SAMD12: variants seen among roughly 807,000 people sequenced by gnomAD.
The protein encoded by SAMD12 is sterile alpha motif domain containing 12.
Under a neutral mutation model 15.0 loss-of-function variants are expected in SAMD12, and 9 were observed. The observed-to-expected ratio is 0.60, with a 90% CI of 0.36 to 1.05. The LOEUF is 1.05. Among genes scored for constraint, SAMD12 ranks in the 50% least tolerant of loss-of-function variants. The probability of loss-of-function intolerance (pLI) is 0.01; values close to 1 mark genes in which losing one functional copy is unlikely to be tolerated. For synonymous variants in SAMD12, 86 were observed against 90.1 expected (o/e 0.96, Z 0.25); for missense variants, 230 against 234.2 (o/e 0.98, Z 0.12).
chr8:118,311,074 CT>C (rs1815606694), intron 4 of SAMD12, among the ~76,000 whole-genome samples: 1 of 152,180 alleles, frequency 6.6e-6, no homozygotes, highest in South Asian at 2.1e-4. Flanking sequence ...GGTAATTAGT[CT>C]CATTTTACAA....
intron 2 of SAMD12, among the ~76,000 whole-genome samples, chr8:118,551,412 G>T (rs1382773506): frequency 6.6e-6 from 1 of 151,556 alleles, no homozygotes; most frequent in Admixed American, 6.6e-5. Flanking sequence ...TGAACAACCT[G>T]CTCCTGAATG....
At chr8:118,220,963 G>T (rs972256702) in intron 4 of SAMD12, among the ~76,000 whole-genome samples, 2 of 151,928 alleles carry the variant, frequency 1.3e-5, no homozygotes, top group Non-Finnish European at 2.9e-5. Flanking sequence ...ATGAGAAGAC[G>T]TGTGGTGGAA....
At position 118,379,463 on chromosome 8, in the gene SAMD12, A is replaced by G. The variant is rs1819550587; in HGVS notation, c.560T>C (p.Leu187Ser). 1 of 1,613,668 alleles carries G rather than the reference A, an allele frequency of 6.2e-7. No homozygotes were observed. Among genetic ancestry groups the G allele is most frequent in the East Asian group, 2.2e-5 (1 of 44,868 alleles). ...GQTGVRENLL[L>S]FLHRISIIEN... The stretch of plus-strand genomic sequence containing the variant: ...TATGATGGAAATTCTGTGAAGAAAC[A>G]ATAACAAATTCTCCCTGACTCCTGT... Residue 187 changes from leucine (L) to serine (S), a missense_variant, in exon 4 of 4, where the codon TTG becomes TCG. By Grantham distance (145) the Leu-to-Ser change is moderately radical. Coordinates refer to ENST00000314727, the MANE Select transcript of SAMD12 (RefSeq NM_207506.3).
chr8:118,521,706 T>C (rs1193287718), intron 2 of SAMD12, among the ~76,000 whole-genome samples: 1 of 152,162 alleles, frequency 6.6e-6, no homozygotes, highest in South Asian at 2.1e-4. Context: ...GTCCTTATTT[T>C]CCTTAATGGT....
At chr8:118,226,545 T>G (rs977113041) in intron 4 of SAMD12, among the ~76,000 whole-genome samples, 2 of 152,172 alleles carry the variant, frequency 1.3e-5, no homozygotes, top group Non-Finnish European at 2.9e-5. Flanking sequence ...TGACCACCCA[T>G]CCATCCATCC....
At chr8:118,211,248 CCTAAA>C (rs1563696912) in intron 4 of SAMD12, among the ~76,000 whole-genome samples, 2 of 152,122 alleles carry the variant, frequency 1.3e-5, no homozygotes, top group South Asian at 4.1e-4. Flanking sequence ...AGCATAGTCT[CCTAAA>C]CTAAACAAAC....
At chr8:118,170,194 A>C in the SAMD12 span, among the ~76,000 whole-genome samples, 3 of 152,162 alleles carry the variant, frequency 2.0e-5, no homozygotes, top group Non-Finnish European at 2.9e-5. Flanking sequence ...TGGGGAAACG[A>C]TTGTACACTA....
At chr8:118,307,162 A>G (rs1201720150) in intron 4 of SAMD12, among the ~76,000 whole-genome samples, 1 of 152,198 alleles carries the variant, frequency 6.6e-6, no homozygotes, top group Non-Finnish European at 1.5e-5. Context: ...GCCCCTCTTC[A>G]TGGAGCTGAT....
chr8:118,413,087 C>T (rs546981795), intron 3 of SAMD12, among the ~76,000 whole-genome samples: 22 of 152,282 alleles, frequency 1.4e-4, no homozygotes, highest in Non-Finnish European at 2.9e-4. Context: ...TTGTTCCCAA[C>T]ATACTGGTAG....
intron 1 of SAMD12, among the ~76,000 whole-genome samples, chr8:118,600,635 G>A (rs1219578117): frequency 1.3e-5 from 2 of 152,086 alleles, no homozygotes; most frequent in Non-Finnish European, 2.9e-5. Context: ...TCAGCCTTGA[G>A]ACCACCATGT....
chr8:118,306,489 C>T (rs1815355812), intron 4 of SAMD12, among the ~76,000 whole-genome samples: 1 of 152,144 alleles, frequency 6.6e-6, no homozygotes, highest in Admixed American at 6.5e-5. Flanking sequence ...CCCTCTTCTT[C>T]CTGTGGCTTG....
At chr8:118,487,124 A>G (rs995556280) in intron 2 of SAMD12, among the ~76,000 whole-genome samples, 5 of 152,170 alleles carry the variant, frequency 3.3e-5, no homozygotes, top group African/African-American at 1.2e-4. Context: ...AATCCCCAGC[A>G]CAAGTGTTCA....
At chr8:118,206,843 C>T (rs1819875960) in intron 4 of SAMD12, among the ~76,000 whole-genome samples, 1 of 152,186 alleles carries the variant, frequency 6.6e-6, no homozygotes, top group African/African-American at 2.4e-5. Flanking sequence ...GTCTGAGGAC[C>T]TCTCTGTAAG....
At chr8:118,224,148 C>T (rs1467783812) in intron 4 of SAMD12, among the ~76,000 whole-genome samples, 1 of 152,154 alleles carries the variant, frequency 6.6e-6, no homozygotes, top group African/African-American at 2.4e-5. Context: ...GCTGTTAAAA[C>T]ACACTGAACG....
At chr8:118,554,118 A>T (rs1195652155) in intron 2 of SAMD12, among the ~76,000 whole-genome samples, 2 of 152,000 alleles carry the variant, frequency 1.3e-5, no homozygotes, top group East Asian at 3.9e-4. Flanking sequence ...TGTGGAAGTC[A>T]GTGTGGTGAT....
chr8:118,293,066 CAAACAAAA>C (rs906900569), intron 4 of SAMD12, among the ~76,000 whole-genome samples: 1 of 151,500 alleles, frequency 6.6e-6, no homozygotes, highest in Non-Finnish European at 1.5e-5. Context: ...AAAAAACAAA[CAAACAAAA>C]AAAATCAATA....
At chr8:118,590,392 G>T (rs1294150318) in intron 1 of SAMD12, among the ~76,000 whole-genome samples, 3 of 152,136 alleles carry the variant, frequency 2.0e-5, no homozygotes, top group East Asian at 3.9e-4. Flanking sequence ...TGGTAAAGAG[G>T]GTACCTCCTC....
intron 2 of SAMD12, among the ~76,000 whole-genome samples, chr8:118,468,862 G>A (rs1823674165): frequency 6.6e-6 from 1 of 152,164 alleles, no homozygotes; most frequent in Non-Finnish European, 1.5e-5. Flanking sequence ...TAGCACGGTA[G>A]CTTATTTTGC....
chr8:118,383,380 A>G (rs1393541718), intron 3 of SAMD12, among the ~76,000 whole-genome samples: 2 of 152,180 alleles, frequency 1.3e-5, no homozygotes, highest in African/African-American at 2.4e-5. Context: ...GGCACCAGGA[A>G]GCTGTTAATG....
Sources: gnomAD v4.1 joint callset for allele counts (sites outside exome capture counted in the v4.1 genomes callset) on GRCh38, gnomAD v4.1.1 for gene constraint, MANE v1.5 for transcripts, NCBI Gene and HGNC (gene_info 2026-07-23, HGNC 2026-07-21) for gene names.